BRK1: variants seen among roughly 807,000 people sequenced by gnomAD.
BRK1 encodes BRICK1 subunit of SCAR/WAVE actin nucleating complex.
In BRK1, 6 loss-of-function variants were observed where a neutral mutation model predicts 9.9. That is an observed-to-expected ratio of 0.60 (90% CI 0.33 to 1.19). The LOEUF (loss-of-function observed/expected upper bound fraction) is 1.19, where lower values mean the gene tolerates loss of function less well. Among genes scored for constraint, BRK1 ranks in the 50% most tolerant of loss-of-function variants. BRK1 has a pLI of 0.04. For missense variants in BRK1, 62 were observed against 97.5 expected, an observed-to-expected ratio of 0.64 and a Z score of 1.53; for synonymous variants, 44 against 31.9, an observed-to-expected ratio of 1.38 and a Z score of -1.28.
chr3:10,125,747 C>T (rs1055502617), intron 2 of BRK1, 39 bp downstream of exon 2: 5 of 1,412,142 alleles, frequency 3.5e-6, no homozygotes, highest in Non-Finnish European at 4.9e-6. Flanking sequence ...AGAGAATGCA[C>T]ATTTCCACTT....
chr3:10,124,749 T>C (rs1471246062), intron 1 of BRK1, among the ~76,000 whole-genome samples: 1 of 152,098 alleles, frequency 6.6e-6, no homozygotes, highest in African/African-American at 2.4e-5. Context: ...CAGAATTCAG[T>C]TTCTCGTGGT....
intron 1 of BRK1, among the ~76,000 whole-genome samples, chr3:10,122,740 T>A (rs1256441475): frequency 1.3e-5 from 2 of 151,866 alleles, no homozygotes; most frequent in Non-Finnish European, 2.9e-5. Flanking sequence ...AAAAAATTCA[T>A]CCGTAAATGT....
At chr3:10,125,254 C>A (rs1695821783) in intron 1 of BRK1, among the ~76,000 whole-genome samples, 1 of 152,088 alleles carries the variant, frequency 6.6e-6, no homozygotes. Flanking sequence ...CAGGCATGTG[C>A]CATCATGCCT....
intron 1 of BRK1, among the ~76,000 whole-genome samples, chr3:10,121,758 GT>G (rs541971518): frequency 2.0e-5 from 3 of 149,268 alleles, no homozygotes; most frequent in African/African-American, 7.5e-5. Flanking sequence ...TTAAGACAGA[GT>G]TTCACTCTTG....
At chr3:10,115,849 G>A in intron 1 of BRK1, 30 bp downstream of exon 1, 1 of 1,573,474 alleles carries the variant, frequency 6.4e-7, no homozygotes, top group Non-Finnish European at 8.7e-7. Flanking sequence ...GAGGCGGGGA[G>A]GAGGGAGGCC....
intron 1 of BRK1, among the ~76,000 whole-genome samples, chr3:10,116,041 G>A (rs1399195537): frequency 6.6e-6 from 1 of 152,058 alleles, no homozygotes; most frequent in Non-Finnish European, 1.5e-5. Context: ...ATGGCTTCCT[G>A]CCATCCCTCT....
In BRK1 at chr3:10,115,715, A is replaced by C. The variant is rs1695675551; in HGVS notation, c.14A>C (p.Glu5Ala). Reference protein sequence around the residue: MAGQEDPVQREIHQD... With the variant: MAGQADPVQREIHQD... ...CAGGCGGCGGCCATGGCGGGACAGG[A>C]GGATCCGGTGCAGCGGGAGATTCAC... The change falls in exon 1 of 3, where the codon GAG becomes GCG. Residue 5 changes from glutamate to alanine, a missense_variant. Transcript: ENST00000530758. 6.2e-7 allele frequency: 1 copy of C among 1,611,822 alleles called. No individual in the cohort carries two copies. The highest frequency in any genetic ancestry group is 1.3e-5 in the African/African-American group (1 of 74,804).
At chr3:10,120,345 C>A (rs1046500378) in intron 1 of BRK1, among the ~76,000 whole-genome samples, 5 of 152,136 alleles carry the variant, frequency 3.3e-5, no homozygotes, top group African/African-American at 9.7e-5. Flanking sequence ...CAGGCACACA[C>A]AACCATGCCC....
chr3:10,126,292 C>A lies in BRK1; in HGVS notation c.225C>A (p.Thr75=), dbSNP rs1444046476. The A allele has an allele frequency of 6.3e-7, 1 of 1,576,526 alleles. No homozygotes were observed. The highest frequency in any genetic ancestry group is 1.9e-5 in the Admixed American group (1 of 53,596). The change falls in exon 3 of 3, where the codon ACC becomes ACA. Residue 75 remains threonine, a synonymous_variant. Coordinates refer to ENST00000530758, the MANE Select transcript of BRK1 (RefSeq NM_018462.5). ...AGGTGACAAAAGGTGAGACACTCAC[C>A]TAGAACAGTGCCGTGCTGCTGCTGG... The part of the protein sequence containing the change: ...EARVTKGETL[T]
intron 1 of BRK1, among the ~76,000 whole-genome samples, chr3:10,125,189 GC>G (rs113502533): frequency 0.16 from 24,795 of 150,932 alleles, 2,563 homozygotes; most frequent in African/African-American, 0.29. Flanking sequence ...TGCAACCTTT[GC>G]CCCCCCCGGT....
chr3:10,115,722 G>A lies in BRK1; in HGVS notation c.21G>A (p.Pro7=), dbSNP rs1319060410. ...CGGCCATGGCGGGACAGGAGGATCC[G>A]GTGCAGCGGGAGATTCACCAGGACT... MAGQED[P]VQREIHQDWA... Residue 7 remains proline, a synonymous_variant, in exon 1 of 3, where the codon CCG becomes CCA. Coordinates refer to ENST00000530758, the MANE Select transcript of BRK1 (RefSeq NM_018462.5). 4 of 1,610,212 alleles carry A rather than the reference G, an allele frequency of 2.5e-6. No homozygotes were observed. The highest frequency in any genetic ancestry group is 1.7e-5 in the Admixed American group (1 of 59,852).
chr3:10,124,330 C>G (rs1575908650), intron 1 of BRK1, among the ~76,000 whole-genome samples: 1 of 151,132 alleles, frequency 6.6e-6, no homozygotes, highest in African/African-American at 2.4e-5. Flanking sequence ...CATGGTGGCG[C>G]ACACCTGTAG....
At chr3:10,122,148 T>G (rs936253044) in intron 1 of BRK1, among the ~76,000 whole-genome samples, 2 of 150,034 alleles carry the variant, frequency 1.3e-5, no homozygotes, top group African/African-American at 4.9e-5. Flanking sequence ...TGTCTTGAAC[T>G]CCGACCTCAG....
rs911888155 is a variant in BRK1, at chr3:10,121,882, CTTTTTTTTTTTTTT to C, written c.119-3732_119-3719del. On this transcript the variant is annotated intron_variant, in intron 1 of 2. Transcript: ENST00000530758. ...AGGCGTGAGCCTCTGCACCCGGCCA[CTTTTTTTTTTTTTT>C]TTTTTTTTTTTGAGATGGAGTCTCG... Among the ~76,000 whole-genome samples, 5 of 88,108 alleles carry C rather than the reference CTTTTTTTTTTTTTT, an allele frequency of 5.7e-5. No homozygotes were observed. In the East Asian group the frequency reaches 1.6e-3, roughly 29 times the overall value. 57.8% of individuals were successfully genotyped at this position (88,108 alleles called of 152,430 possible).
At chr3:10,124,036 CG>C (rs1559420076) in intron 1 of BRK1, among the ~76,000 whole-genome samples, 1 of 151,930 alleles carries the variant, frequency 6.6e-6, no homozygotes, top group East Asian at 1.9e-4. Flanking sequence ...CGCCCAGCCT[CG>C]TTTCTTTCCT....
At chr3:10,116,457 C>A (rs558089877) in intron 1 of BRK1, among the ~76,000 whole-genome samples, 7 of 152,112 alleles carry the variant, frequency 4.6e-5, no homozygotes, top group Non-Finnish European at 7.4e-5. Flanking sequence ...CTGCTTCTAG[C>A]CCATTCCTCA....
intron 1 of BRK1, among the ~76,000 whole-genome samples, chr3:10,119,143 CAA>C (rs74416793): frequency 2.7e-4 from 18 of 67,416 alleles, no homozygotes; most frequent in Admixed American, 5.2e-4. Flanking sequence ...GACTCCATCT[CAA>C]AAAAAAAAAA....
chr3:10,117,424 C>T (rs1418426426), intron 1 of BRK1, among the ~76,000 whole-genome samples: 1 of 125,186 alleles, frequency 8.0e-6, no homozygotes, highest in African/African-American at 3.2e-5. Context: ...GAGACAGGGT[C>T]TCACTCTAGC....
chr3:10,126,260 C>T lies in BRK1; in HGVS notation c.202-9C>T. ...TTATCTAAATGTCAGTTTTCCTTTCCTTTCACAGGTGACAAAAGGTGAGAC... is the reference window on the plus strand; with the variant it reads ...TTATCTAAATGTCAGTTTTCCTTTCTTTTCACAGGTGACAAAAGGTGAGAC... On this transcript the variant is annotated splice_polypyrimidine_tract_variant and intron_variant, in intron 2 of 2. Coordinates refer to ENST00000530758, the MANE Select transcript of BRK1 (RefSeq NM_018462.5). 6.6e-7 allele frequency: 1 copy of T among 1,524,180 alleles called. No individual in the cohort carries two copies. Among genetic ancestry groups the T allele is most frequent in the Non-Finnish European group, 8.8e-7 (1 of 1,141,906 alleles). 94.4% of individuals were successfully genotyped at this position (1,524,180 alleles called of 1,614,324 possible).
Sources: allele counts gnomAD v4.1 joint callset (sites outside exome capture counted in the v4.1 genomes callset), GRCh38; gene constraint gnomAD v4.1.1; transcripts MANE v1.5; gene names NCBI Gene and HGNC (gene_info 2026-07-23, HGNC 2026-07-21).